The following HDAC2 variants were observed in gnomAD, a reference collection of about 807,000 sequenced individuals.
HDAC2 encodes the protein histone deacetylase 2.
HDAC2 carries 5 observed loss-of-function variants against 68.5 expected under a neutral mutation model. That is an observed-to-expected ratio of 0.07 (90% CI 0.04 to 0.15). The LOEUF (loss-of-function observed/expected upper bound fraction) is 0.15, where lower values mean the gene tolerates loss of function less well. Among genes scored for constraint, HDAC2 ranks in the 10% least tolerant of loss-of-function variants. HDAC2 has a pLI of 1.00. For synonymous variants in HDAC2, 182 were observed against 191.3 expected, an observed-to-expected ratio of 0.95 and a Z score of 0.40; for missense variants, 291 against 600.8, an observed-to-expected ratio of 0.48 and a Z score of 5.39.
rs897949371 is a variant in HDAC2, at chr6:113,933,273, G to A, written c.*7785C>T. The A allele has an allele frequency of 3.9e-5, 6 of 152,268 alleles. No individual in the cohort carries two copies. The South Asian group carries it at 8.3e-4, about 21-fold the overall frequency. 9.4% of individuals were successfully genotyped at this position (152,268 alleles called of 1,614,324 possible). On this transcript the variant is annotated 3_prime_UTR_variant, in exon 14 of 14. Transcript: ENST00000519065. ...GCACTGAGAACACAGCATCATTCCTGTGATATTCTTGCCCAAAACATGCAA... is the reference window on the plus strand; with the variant it reads ...GCACTGAGAACACAGCATCATTCCTATGATATTCTTGCCCAAAACATGCAA...
chr6:113,951,897 C>A (rs1340237696), intron 6 of HDAC2, among the ~76,000 whole-genome samples: 1 of 152,142 alleles, frequency 6.6e-6, no homozygotes, highest in Non-Finnish European at 1.5e-5. Context: ...TGAGATGAGA[C>A]CATAGTGACA....
chr6:113,955,359 G>T (rs973585316), intron 5 of HDAC2, among the ~76,000 whole-genome samples: 1 of 151,686 alleles, frequency 6.6e-6, no homozygotes, highest in Non-Finnish European at 1.5e-5. Flanking sequence ...GATTACAGGC[G>T]CACGCCACCA....
intron 2 of HDAC2, chr6:113,959,632 T>A: frequency 1.7e-5 from 3 of 181,438 alleles, no homozygotes; most frequent in Admixed American, 6.2e-5. Flanking sequence ...CTTAATATGC[T>A]ACACTGAGTT....
intron 1 of HDAC2, among the ~76,000 whole-genome samples, chr6:113,962,010 A>G (rs1776694909): frequency 6.6e-6 from 1 of 152,070 alleles, no homozygotes; most frequent in South Asian, 2.1e-4. Flanking sequence ...TATTTGATGC[A>G]CACTGAAAAT....
chr6:113,950,379 GTTGTTTTTTT>G (rs1487564823), intron 6 of HDAC2, among the ~76,000 whole-genome samples: 2 of 150,890 alleles, frequency 1.3e-5, no homozygotes, highest in African/African-American at 4.9e-5. Flanking sequence ...GTGCCTCTTT[GTTGTTTTTTT>G]TTGTTTTTTG....
chr6:113,964,469 T>C (rs1032577588), intron 1 of HDAC2, among the ~76,000 whole-genome samples: 2 of 152,130 alleles, frequency 1.3e-5, no homozygotes, highest in Non-Finnish European at 2.9e-5. Flanking sequence ...CCACCAACCT[T>C]TAAACATCAA....
At chr6:113,964,815 AT>A (rs1426427293) in intron 1 of HDAC2, among the ~76,000 whole-genome samples, 1 of 152,184 alleles carries the variant, frequency 6.6e-6, no homozygotes, top group African/African-American at 2.4e-5. Context: ...CTTTATTTGT[AT>A]TCCCAATCTT....
rs1473315689 is a variant in HDAC2 at position 113,933,478 on chromosome 6, C to G, written c.*7580G>C. On this transcript the variant is annotated 3_prime_UTR_variant, in exon 14 of 14. Coordinates refer to ENST00000519065, the MANE Select transcript of HDAC2 (RefSeq NM_001527.4). The stretch of plus-strand genomic sequence containing the variant: ...TATCCCATCCCATCTTATCCCATCT[C>G]CTTCTGTCCTCTTCAATCCTCTTCT... 1 of 152,198 alleles carries G rather than the reference C, an allele frequency of 6.6e-6. No homozygotes were observed. The highest frequency in any genetic ancestry group is 1.5e-5 in the Non-Finnish European group (1 of 68,048). 9.4% of individuals were successfully genotyped at this position (152,198 alleles called of 1,614,324 possible).
At position 113,934,880 on chromosome 6, in the gene HDAC2, G is replaced by A. The variant is rs1043251193; in HGVS notation, c.*6178C>T. 1 of 152,218 alleles carries A rather than the reference G, an allele frequency of 6.6e-6. No homozygotes were observed. 9.4% of individuals were successfully genotyped at this position (152,218 alleles called of 1,614,324 possible). A position where few individuals can be genotyped will look rare whatever the true frequency, so the allele number is the denominator to read the frequency against. ...TATTTGATTGTTGGGGAAGGTGACA[G>A]CTAGTAATACGTTGGACTTGAATTA... On this transcript the variant is annotated 3_prime_UTR_variant, in exon 14 of 14. Transcript: ENST00000519065.
At chr6:113,956,527 C>A in intron 4 of HDAC2, 92 bp downstream of exon 4, 1 of 845,942 alleles carries the variant, frequency 1.2e-6, no homozygotes, top group South Asian at 1.5e-5. Flanking sequence ...TCAAAATTCA[C>A]AATCATTAAA....
chr6:113,964,903 C>G (rs1256725683), intron 1 of HDAC2, among the ~76,000 whole-genome samples: 5 of 152,212 alleles, frequency 3.3e-5, no homozygotes, highest in Non-Finnish European at 7.3e-5. Flanking sequence ...AACACCATTC[C>G]TCAGCTCCAA....
At position 113,943,576 on chromosome 6, in the gene HDAC2, T is replaced by C. The variant is rs1454595068; in HGVS notation, c.1223-70A>G. 27 of 1,223,046 alleles carry C rather than the reference T, an allele frequency of 2.2e-5. No individual in the cohort carries two copies. The South Asian group carries it at 3.3e-4, about 15-fold the overall frequency. The allele number at this position is 1,223,046 out of a possible 1,614,324, so 75.8% of individuals were successfully genotyped here. A position where few individuals can be genotyped will look rare whatever the true frequency, so the allele number is the denominator to read the frequency against. ...TTTTATAATCATTACAGCATACTCA[T>C]ACAAATGCACTAAGCAGTTAGTTAC... is the stretch of plus-strand genomic sequence containing the variant. On this transcript the variant is annotated intron_variant, in intron 11 of 13. Transcript: ENST00000519065.
chr6:113,969,165 T>G (rs1012615918), intron 1 of HDAC2, among the ~76,000 whole-genome samples: 1 of 152,252 alleles, frequency 6.6e-6, no homozygotes, highest in Non-Finnish European at 1.5e-5. Context: ...AATTAAAATG[T>G]ATTTCCATCT....
chr6:113,959,804 C>A, intron 2 of HDAC2, 102 bp downstream of exon 2: 1 of 633,652 alleles, frequency 1.6e-6, no homozygotes, highest in South Asian at 2.1e-5. Context: ...ATCTTTTCAT[C>A]TGCTAAATGC....
At chr6:113,952,978 G>A (rs1050284632) in intron 6 of HDAC2, among the ~76,000 whole-genome samples, 2 of 152,122 alleles carry the variant, frequency 1.3e-5, no homozygotes, top group Admixed American at 6.5e-5. Context: ...CTACCATCAG[G>A]TAGTTTTGAA....
intron 8 of HDAC2, 71 bp downstream of exon 8, chr6:113,948,908 C>A: frequency 6.4e-7 from 1 of 1,552,750 alleles, no homozygotes; most frequent in Non-Finnish European, 8.7e-7. Flanking sequence ...ACAATGAGAA[C>A]TTTTACGGGG....
chr6:113,942,097 A>T (rs896802677), intron 12 of HDAC2, among the ~76,000 whole-genome samples: 1 of 152,104 alleles, frequency 6.6e-6, no homozygotes, highest in Admixed American at 6.5e-5. Context: ...AAAGAGCCTC[A>T]TCACCAAATA....
intron 1 of HDAC2, among the ~76,000 whole-genome samples, chr6:113,963,162 C>T (rs1776729608): frequency 6.6e-6 from 1 of 151,514 alleles, no homozygotes; most frequent in African/African-American, 2.4e-5. Context: ...TGGCTCACTG[C>T]AACCTCCACC....
chr6:113,934,890 C>T lies in HDAC2; in HGVS notation c.*6168G>A, dbSNP rs889600276. ...TTGGGGAAGGTGACAGCTAGTAATA[C>T]GTTGGACTTGAATTATATTTTTTCC... On this transcript the variant is annotated 3_prime_UTR_variant, in exon 14 of 14. Coordinates refer to ENST00000519065, the MANE Select transcript of HDAC2 (RefSeq NM_001527.4). 6 of 152,138 alleles carry T rather than the reference C, an allele frequency of 3.9e-5. No homozygotes were observed. Among genetic ancestry groups the T allele is most frequent in the Admixed American group, 6.5e-5 (1 of 15,272 alleles). The allele number at this position is 152,138 out of a possible 1,614,324, so 9.4% of individuals were successfully genotyped here.
Sources: allele counts gnomAD v4.1 joint callset (sites outside exome capture counted in the v4.1 genomes callset), GRCh38; gene constraint gnomAD v4.1.1; transcripts MANE v1.5; gene names NCBI Gene and HGNC (gene_info 2026-07-23, HGNC 2026-07-21).